Variants in SLMAP observed in about 807,000 individuals in gnomAD.
The protein encoded by SLMAP is sarcolemma associated protein, also known as sarcolemmal membrane-associated protein.
In SLMAP, 44 loss-of-function variants were observed where a neutral mutation model predicts 128.8. The observed-to-expected ratio is 0.34, with a 90% CI of 0.27 to 0.44. The LOEUF (loss-of-function observed/expected upper bound fraction) is 0.44, where lower values mean the gene tolerates loss of function less well. Ranked by LOEUF, SLMAP falls within the 20% of genes least tolerant of loss-of-function variation. SLMAP has a pLI of 1.00. For synonymous variants in SLMAP, 327 were observed against 348.8 expected (o/e 0.94, Z 0.70); for missense variants, 787 against 985.3 (o/e 0.80, Z 2.69).
chr3:57,827,463 G>C (rs1423636748), intron 2 of SLMAP, among the ~76,000 whole-genome samples: 1 of 152,234 alleles, frequency 6.6e-6, no homozygotes, highest in African/African-American at 2.4e-5. Context: ...TGACTGATGA[G>C]ACAGGGGTAA....
At chr3:57,838,752 G>A (rs912203843) in intron 3 of SLMAP, among the ~76,000 whole-genome samples, 6 of 152,196 alleles carry the variant, frequency 3.9e-5, no homozygotes, top group Non-Finnish European at 7.3e-5. Flanking sequence ...ATTGCTTACA[G>A]AAGGGACAGC....
rs2096857850 is a variant in SLMAP, at chr3:57,918,609, A to G, written c.2310+1532A>G. 2.0e-5 allele frequency: 3 copies of G among 152,106 alleles called. No individual in the cohort carries two copies. The South Asian group carries it at 6.2e-4, about 32-fold the overall frequency. 9.4% of individuals were successfully genotyped at this position (152,106 alleles called of 1,614,324 possible). Reference sequence around the variant, plus strand: ...TCTCTTTCTGTTTGTCCAGATGTTAACATGTTGGATACTATATACTATAGT... The same window carrying G: ...TCTCTTTCTGTTTGTCCAGATGTTAGCATGTTGGATACTATATACTATAGT... On this transcript the variant is annotated intron_variant, in intron 22 of 24. Coordinates refer to ENST00000671191, the MANE Select transcript of SLMAP (RefSeq NM_001377540.1).
chr3:57,860,779 G>T lies in SLMAP; in HGVS notation c.768G>T (p.Glu256Asp), dbSNP rs2095013166. 6.3e-7 allele frequency: 1 copy of T among 1,598,892 alleles called. No individual in the cohort carries two copies. The highest frequency in any genetic ancestry group is 1.8e-5 in the Admixed American group (1 of 55,720). Reference protein sequence around the residue: ...DKHNYETTAKESLRRVLQEKI... With the variant: ...DKHNYETTAKDSLRRVLQEKI... ...ATAACTATGAGACAACAGCCAAAGAGTCCCTGAGGCGGGTTCTTCAGGAGA... is the reference window on the plus strand; with the variant it reads ...ATAACTATGAGACAACAGCCAAAGATTCCCTGAGGCGGGTTCTTCAGGAGA... Residue 256 changes from glutamate to aspartate, a missense_variant, in exon 9 of 25, where the codon GAG becomes GAT. Glu to Asp is a conservative substitution (Grantham distance 45, BLOSUM62 2). This residue lies in a region of SLMAP where 715 missense variants were observed against 843.6 expected (regional missense o/e 0.85). Transcript: ENST00000671191.
At chr3:57,824,373 A>G (rs1346319025) in intron 2 of SLMAP, among the ~76,000 whole-genome samples, 3 of 152,206 alleles carry the variant, frequency 2.0e-5, no homozygotes, top group Admixed American at 2.0e-4. Context: ...TAATGGCCGA[A>G]AAGTATTTTA....
At chr3:57,900,664 AG>A (rs2096356881) in intron 17 of SLMAP, 1 of 152,744 alleles carries the variant, frequency 6.5e-6, no homozygotes, top group Non-Finnish European at 1.5e-5. Flanking sequence ...AAAATTAGCC[AG>A]GCATGGTGGT....
chr3:57,858,551 G>A (rs1448479845), intron 8 of SLMAP, among the ~76,000 whole-genome samples: 1 of 152,120 alleles, frequency 6.6e-6, no homozygotes, highest in African/African-American at 2.4e-5. Flanking sequence ...ATGGTATTGT[G>A]TTCTTCCACC....
In SLMAP at chr3:57,927,785, C is replaced by G. The variant is rs1291429126; in HGVS notation, c.*496C>G. On this transcript the variant is annotated 3_prime_UTR_variant, in exon 25 of 25. Transcript: ENST00000671191. The stretch of plus-strand genomic sequence containing the variant: ...TTTGATAACTACCCAAACCAAACAA[C>G]CAATACATACATGGGAAGAGAGGCC... 6.5e-6 allele frequency: 1 copy of G among 153,412 alleles called. No individual in the cohort carries two copies. Among genetic ancestry groups the G allele is most frequent in the African/African-American group, 2.4e-5 (1 of 41,432 alleles). 9.5% of individuals were successfully genotyped at this position (153,412 alleles called of 1,614,324 possible).
intron 3 of SLMAP, among the ~76,000 whole-genome samples, chr3:57,837,795 A>G (rs1158889242): frequency 1.3e-5 from 2 of 152,254 alleles, no homozygotes; most frequent in Non-Finnish European, 2.9e-5. Flanking sequence ...TTAGAACAAA[A>G]TATTTTCATC....
intron 20 of SLMAP, 133 bp downstream of exon 20, chr3:57,912,834 G>A (rs1036174965): frequency 8.6e-6 from 5 of 583,308 alleles, no homozygotes; most frequent in East Asian, 2.9e-5. Context: ...TTTTTAAATC[G>A]GAGCTAAAAA....
intron 24 of SLMAP, among the ~76,000 whole-genome samples, 198 bp from the exon 25 acceptor site, chr3:57,927,098 T>G (rs971736726): frequency 6.6e-6 from 1 of 152,194 alleles, no homozygotes; most frequent in African/African-American, 2.4e-5. Context: ...TCCAAATTGG[T>G]GTTCCTGCTA....
At chr3:57,919,170 C>T (rs1468440534) in intron 22 of SLMAP, among the ~76,000 whole-genome samples, 1 of 152,188 alleles carries the variant, frequency 6.6e-6, no homozygotes, top group East Asian at 1.9e-4. Flanking sequence ...CACCTGAGGT[C>T]AGGAGTTCAA....
At position 57,882,557 on chromosome 3, in the gene SLMAP, C is replaced by T. The variant is rs888901114; in HGVS notation, c.1301-7484C>T. ...TAGTAAATATTTTAGTCTTTGCAGG[C>T]TGTAAGGTCTCTTGGCAGCTACTCA... is the stretch of plus-strand genomic sequence containing the variant. On this transcript the variant is annotated intron_variant, in intron 14 of 24. Transcript: ENST00000671191. 2.6e-5 allele frequency among the ~76,000 whole-genome samples: 4 copies of T among 152,272 alleles called. No individual in the cohort carries two copies. In the South Asian group the frequency reaches 8.3e-4, roughly 32 times the overall value.
chr3:57,873,666 A>G (rs762351274), intron 14 of SLMAP, among the ~76,000 whole-genome samples: 1 of 152,134 alleles, frequency 6.6e-6, no homozygotes, highest in Non-Finnish European at 1.5e-5. Flanking sequence ...CAACTAAAAG[A>G]ATATCTAATC....
intron 4 of SLMAP, among the ~76,000 whole-genome samples, chr3:57,844,529 A>T (rs1426070427): frequency 6.6e-6 from 1 of 152,100 alleles, no homozygotes; most frequent in Non-Finnish European, 1.5e-5. Flanking sequence ...CATACTTCAG[A>T]ATATACTTAT....
chr3:57,896,866 T>C lies in SLMAP; in HGVS notation c.1442-7T>C. 1 of 1,595,384 alleles carries C rather than the reference T, an allele frequency of 6.3e-7. No homozygotes were observed. Among genetic ancestry groups the C allele is most frequent in the Non-Finnish European group, 8.5e-7 (1 of 1,174,770 alleles). ...TAATTATATATGTATTTTTTTCCTC[T>C]CTGTAGACGCCCAAATGGATGAGCA... On this transcript the variant is annotated splice_region_variant and splice_polypyrimidine_tract_variant and intron_variant, in intron 16 of 24. Coordinates refer to ENST00000671191, the MANE Select transcript of SLMAP (RefSeq NM_001377540.1).
At chr3:57,802,804 A>G (rs771311295) in intron 2 of SLMAP, among the ~76,000 whole-genome samples, 13 of 152,164 alleles carry the variant, frequency 8.5e-5, no homozygotes, top group Non-Finnish European at 1.9e-4. Flanking sequence ...TATGAACAGT[A>G]CTGCCAGGAA....
intron 2 of SLMAP, among the ~76,000 whole-genome samples, chr3:57,794,367 T>C (rs921169921): frequency 2.0e-5 from 3 of 152,220 alleles, no homozygotes; most frequent in Non-Finnish European, 2.9e-5. Context: ...CTTTCAAAAG[T>C]CACATACTTA....
At chr3:57,883,538 C>G (rs922986644) in intron 14 of SLMAP, among the ~76,000 whole-genome samples, 2 of 152,062 alleles carry the variant, frequency 1.3e-5, no homozygotes, top group African/African-American at 4.8e-5. Flanking sequence ...GAGTGATATC[C>G]TAGAAGTTAA....
chr3:57,794,362 A>G (rs2086217234), intron 2 of SLMAP, among the ~76,000 whole-genome samples: 1 of 152,162 alleles, frequency 6.6e-6, no homozygotes, highest in African/African-American at 2.4e-5. Context: ...AGTCTCTTTC[A>G]AAAGTCACAT....
Sources: allele counts gnomAD v4.1 joint callset (sites outside exome capture counted in the v4.1 genomes callset), GRCh38; gene constraint gnomAD v4.1.1; regional missense constraint gnomAD v4.1.1; transcripts MANE v1.5; gene names NCBI Gene and HGNC (gene_info 2026-07-23, HGNC 2026-07-21).